EXOC6B: variants seen among roughly 807,000 people sequenced by gnomAD.
EXOC6B encodes the protein exocyst complex component 6B, also known as SEC15 homolog B.
In EXOC6B, 54 loss-of-function variants were observed where a neutral mutation model predicts 113.5. The observed-to-expected ratio is 0.48, with a 90% CI of 0.38 to 0.60. The LOEUF is 0.60. Ranked by LOEUF, EXOC6B falls within the 20% of genes least tolerant of loss-of-function variation. The pLI is 0.00. For synonymous variants in EXOC6B, 357 were observed against 339.0 expected, an observed-to-expected ratio of 1.05 and a Z score of -0.58; for missense variants, 797 against 977.5, an observed-to-expected ratio of 0.82 and a Z score of 2.46.
Position 72,432,823 on chromosome 2 carries a change from G to A in EXOC6B, c.1980+32337C>T, listed in dbSNP as rs190943339. 4.1e-4 allele frequency among the ~76,000 whole-genome samples: 63 copies of A among 151,986 alleles called. No individual in the cohort carries two copies. In the East Asian group the frequency reaches 8.7e-3, roughly 21 times the overall value. On this transcript the variant is annotated intron_variant, in intron 18 of 21. Coordinates refer to ENST00000272427, the MANE Select transcript of EXOC6B (RefSeq NM_015189.3). ...TCTGGATATTAGCCCTTTGTCAGACGGATAAATTGCAAAAATTTTCTCCCA... is the reference window on the plus strand; with the variant it reads ...TCTGGATATTAGCCCTTTGTCAGACAGATAAATTGCAAAAATTTTCTCCCA...
chr2:72,374,985 T>C (rs1691266105), intron 19 of EXOC6B, among the ~76,000 whole-genome samples: 1 of 151,872 alleles, frequency 6.6e-6, no homozygotes, highest in Non-Finnish European at 1.5e-5. Context: ...AATATACTTA[T>C]GCAAACACAA....
chr2:72,698,187 A>G (rs1678027309), intron 6 of EXOC6B, among the ~76,000 whole-genome samples: 1 of 152,164 alleles, frequency 6.6e-6, no homozygotes, highest in Non-Finnish European at 1.5e-5. Context: ...CTGACAGTAC[A>G]AGGAAATGAC....
chr2:72,667,868 C>G (rs535425610), intron 6 of EXOC6B, among the ~76,000 whole-genome samples: 11 of 152,248 alleles, frequency 7.2e-5, no homozygotes, highest in African/African-American at 2.4e-4. Context: ...TAAAAATTGA[C>G]AAGTGTGACC....
At chr2:72,769,518 T>TA (rs1454111835) in intron 1 of EXOC6B, among the ~76,000 whole-genome samples, 2 of 151,926 alleles carry the variant, frequency 1.3e-5, no homozygotes, top group African/African-American at 4.8e-5. Context: ...GTCTAATAAC[T>TA]AAAAAAGGAA....
Position 72,574,341 on chromosome 2 carries a change from T to C in EXOC6B, c.846+1151A>G, listed in dbSNP as rs1172851362. The stretch of plus-strand genomic sequence containing the variant: ...AGTCAGCAAGGAAGAGTAATGAAGA[T>C]AGAACAGAAACCAATGTTTTCTCAC... On this transcript the variant is annotated intron_variant, in intron 7 of 21. Transcript: ENST00000272427. Among the ~76,000 whole-genome samples the C allele has an allele frequency of 3.3e-5, 5 of 152,110 alleles. No homozygotes were observed. The East Asian group carries it at 5.8e-4, about 18-fold the overall frequency.
At chr2:72,660,406 A>C (rs1674922203) in intron 6 of EXOC6B, among the ~76,000 whole-genome samples, 1 of 152,232 alleles carries the variant, frequency 6.6e-6, no homozygotes, top group Admixed American at 6.5e-5. Flanking sequence ...ACAGATAAAG[A>C]AGAATTACCT....
At chr2:72,704,235 C>G (rs1001914204) in intron 6 of EXOC6B, among the ~76,000 whole-genome samples, 8 of 150,336 alleles carry the variant, frequency 5.3e-5, no homozygotes, top group Non-Finnish European at 1.0e-4. Flanking sequence ...CTACTGGGTA[C>G]ATAACGAAAT....
At chr2:72,401,618 TATAC>T (rs1450931226) in intron 18 of EXOC6B, among the ~76,000 whole-genome samples, 3 of 42,412 alleles carry the variant, frequency 7.1e-5, no homozygotes, top group East Asian at 8.2e-4. Flanking sequence ...TATATATATA[TATAC>T]ATATATATAT....
chr2:72,341,846 CA>C (rs1689048430), intron 19 of EXOC6B, among the ~76,000 whole-genome samples: 1 of 152,014 alleles, frequency 6.6e-6, no homozygotes, highest in Admixed American at 6.6e-5. Context: ...TGTTGAGTCA[CA>C]AAACATGTCT....
chr2:72,825,663 C>G lies in EXOC6B; in HGVS notation c.113+135G>C. On this transcript the variant is annotated intron_variant, in intron 1 of 21. Coordinates refer to ENST00000272427, the MANE Select transcript of EXOC6B (RefSeq NM_015189.3). This position sits in a 1 kb window ranked among gnomAD's most constrained non-coding sequence, Gnocchi z 4.4. ...CGGGGCTGCGAAGGGAGACCCGCCTCGCCCGGTATGCAGGGTCTCTCCGAA... is the reference window on the plus strand; with the variant it reads ...CGGGGCTGCGAAGGGAGACCCGCCTGGCCCGGTATGCAGGGTCTCTCCGAA... 9.0e-7 allele frequency: 1 copy of G among 1,117,114 alleles called. No homozygotes were observed. The highest frequency in any genetic ancestry group is 1.2e-6 in the Non-Finnish European group (1 of 841,100). The allele number at this position is 1,117,114 out of a possible 1,614,324, so 69.2% of individuals were successfully genotyped here.
At chr2:72,289,541 G>A (rs758495611) in intron 20 of EXOC6B, among the ~76,000 whole-genome samples, 17 of 152,268 alleles carry the variant, frequency 1.1e-4, no homozygotes, top group Non-Finnish European at 1.2e-4. Context: ...GTGTGTCTGT[G>A]TGTGTATGTG....
chr2:72,640,553 C>T (rs1315704369), intron 6 of EXOC6B, among the ~76,000 whole-genome samples: 4 of 152,082 alleles, frequency 2.6e-5, no homozygotes, highest in African/African-American at 9.7e-5. Flanking sequence ...ATGCCCAAGA[C>T]ACATAATCAT....
chr2:72,460,769 A>C (rs1697583602), intron 18 of EXOC6B, among the ~76,000 whole-genome samples: 1 of 152,120 alleles, frequency 6.6e-6, no homozygotes, highest in Non-Finnish European at 1.5e-5. Flanking sequence ...GGGACTGTAA[A>C]CTAGTTCAAC....
intron 18 of EXOC6B, among the ~76,000 whole-genome samples, chr2:72,393,128 C>A (rs985433963): frequency 6.6e-6 from 1 of 151,700 alleles, no homozygotes; most frequent in Non-Finnish European, 1.5e-5. Flanking sequence ...CAAAGTCTCA[C>A]TCTGTAACCA....
intron 20 of EXOC6B, among the ~76,000 whole-genome samples, chr2:72,242,612 T>C (rs890660998): frequency 2.6e-5 from 4 of 152,166 alleles, no homozygotes; most frequent in African/African-American, 9.7e-5. Flanking sequence ...GTAACAGATA[T>C]GGTAGATATT....
intron 20 of EXOC6B, among the ~76,000 whole-genome samples, chr2:72,307,299 C>G (rs1558542079): frequency 6.6e-6 from 1 of 152,022 alleles, no homozygotes; most frequent in Non-Finnish European, 1.5e-5. Context: ...ACTACCACGT[C>G]CGGCTATTTT....
intron 6 of EXOC6B, among the ~76,000 whole-genome samples, chr2:72,617,522 T>C (rs911968039): frequency 6.6e-5 from 9 of 136,348 alleles, no homozygotes; most frequent in East Asian, 5.3e-4. Flanking sequence ...TTTTTCTTTT[T>C]TTTTTTTTTT....
chr2:72,193,585 G>T (rs190805272), intron 20 of EXOC6B, among the ~76,000 whole-genome samples: 1 of 152,194 alleles, frequency 6.6e-6, no homozygotes, highest in Non-Finnish European at 1.5e-5. Context: ...AATCAGTCTG[G>T]TAAATAAATT....
intron 6 of EXOC6B, among the ~76,000 whole-genome samples, chr2:72,620,806 G>A (rs1335810684): frequency 6.6e-6 from 1 of 151,718 alleles, no homozygotes; most frequent in Non-Finnish European, 1.5e-5. Flanking sequence ...AAATCAACAA[G>A]CAAAAGACAA....
Sources: gnomAD v4.1 joint callset for allele counts (sites outside exome capture counted in the v4.1 genomes callset) on GRCh38, gnomAD v4.1.1 for gene constraint, Gnocchi (gnomAD v3.1) non-coding constraint, MANE v1.5 for transcripts, NCBI Gene and HGNC (gene_info 2026-07-23, HGNC 2026-07-21) for gene names.